The following SGCZ variants were observed in gnomAD, a reference collection of about 807,000 sequenced individuals.
SGCZ encodes sarcoglycan zeta, also known as zeta-sarcoglycan.
A neutral mutation model predicts 41.3 loss-of-function variants in SGCZ; 40 were observed. That is an observed-to-expected ratio of 0.97 (90% confidence interval 0.75 to 1.26). The LOEUF (loss-of-function observed/expected upper bound fraction) is 1.26. SGCZ is among the 50% of genes most tolerant of loss of function. SGCZ has a pLI of 0.00. For synonymous variants in SGCZ, 206 were observed against 137.5 expected (o/e 1.50, Z -3.49); for missense variants, 552 against 369.8 (o/e 1.49, Z -4.04).
chr8:14,688,773 CAGG>C (rs1808702159), intron 1 of SGCZ, among the ~76,000 whole-genome samples: 1 of 151,884 alleles, frequency 6.6e-6, no homozygotes, highest in South Asian at 2.1e-4. Flanking sequence ...GGCAATCAGG[CAGG>C]AGAAGGAAAT....
At chr8:15,070,563 G>C (rs7819346) in intron 1 of SGCZ, among the ~76,000 whole-genome samples, 30 of 152,016 alleles carry the variant, frequency 2.0e-4, no homozygotes, top group African/African-American at 2.4e-4. Context: ...TAACGAGTAA[G>C]AATTGCATAG....
intron 3 of SGCZ, among the ~76,000 whole-genome samples, chr8:14,241,654 C>T (rs912384923): frequency 2.6e-5 from 4 of 151,688 alleles, no homozygotes; most frequent in African/African-American, 4.8e-5. Flanking sequence ...CGAAGCTGAC[C>T]CGAACTTGCC....
intron 1 of SGCZ, among the ~76,000 whole-genome samples, chr8:14,669,546 T>A (rs1479758630): frequency 6.6e-6 from 1 of 152,136 alleles, no homozygotes; most frequent in Non-Finnish European, 1.5e-5. Context: ...ACAACATAGA[T>A]TCCATATATA....
At chr8:14,865,502 T>C (rs148737610) in intron 1 of SGCZ, among the ~76,000 whole-genome samples, 1 of 152,074 alleles carries the variant, frequency 6.6e-6, no homozygotes, top group Non-Finnish European at 1.5e-5. Flanking sequence ...AAAAAGAAAG[T>C]TGGGTGAGGT....
chr8:14,944,798 G>C (rs1045918651), intron 1 of SGCZ, among the ~76,000 whole-genome samples: 1 of 152,108 alleles, frequency 6.6e-6, no homozygotes, highest in Non-Finnish European at 1.5e-5. Flanking sequence ...CCCATTTTAA[G>C]TCAAGGAGTG....
At chr8:15,045,436 A>G (rs1804267745) in intron 1 of SGCZ, among the ~76,000 whole-genome samples, 1 of 152,138 alleles carries the variant, frequency 6.6e-6, no homozygotes, top group Non-Finnish European at 1.5e-5. Context: ...CCATATTTTT[A>G]GACCTGAGTT....
intron 1 of SGCZ, among the ~76,000 whole-genome samples, chr8:14,878,707 C>T (rs961326454): frequency 2.6e-5 from 4 of 152,126 alleles, no homozygotes; most frequent in Admixed American, 2.0e-4. Context: ...AGAATGATTC[C>T]TGTGGTGTCT....
At chr8:15,208,413 G>C (rs1232981544) in intron 1 of SGCZ, among the ~76,000 whole-genome samples, 3 of 152,168 alleles carry the variant, frequency 2.0e-5, no homozygotes, top group Non-Finnish European at 4.4e-5. Context: ...ATTATTAGCA[G>C]TTCCCACCTC....
At chr8:14,450,427 G>A (rs1800558544) in intron 2 of SGCZ, among the ~76,000 whole-genome samples, 1 of 152,196 alleles carries the variant, frequency 6.6e-6, no homozygotes, top group Non-Finnish European at 1.5e-5. Flanking sequence ...AGGGTCAGGA[G>A]GGTAATGAGC....
chr8:14,760,638 T>G (rs1481078335), intron 1 of SGCZ, among the ~76,000 whole-genome samples: 1 of 152,208 alleles, frequency 6.6e-6, no homozygotes, highest in Non-Finnish European at 1.5e-5. Flanking sequence ...AATTTACCTC[T>G]GCAGCTAATT....
At chr8:14,230,911 A>C (rs186887751) in intron 4 of SGCZ, among the ~76,000 whole-genome samples, 1 of 152,014 alleles carries the variant, frequency 6.6e-6, no homozygotes, top group Admixed American at 6.6e-5. Context: ...AAAGGAATAT[A>C]GTTTCCCTTA....
intron 5 of SGCZ, among the ~76,000 whole-genome samples, chr8:14,148,938 C>G (rs1413648466): frequency 3.9e-5 from 6 of 152,088 alleles, no homozygotes; most frequent in African/African-American, 4.8e-5. Context: ...ATAAAAACCA[C>G]ATGATCCTAT....
intron 1 of SGCZ, among the ~76,000 whole-genome samples, chr8:14,657,889 A>G (rs1248863147): frequency 1.3e-5 from 2 of 152,194 alleles, no homozygotes; most frequent in Non-Finnish European, 2.9e-5. Context: ...TTATCCTAAT[A>G]AGAATCAGGC....
At chr8:14,417,215 C>G (rs1056671704) in intron 2 of SGCZ, among the ~76,000 whole-genome samples, 1 of 151,782 alleles carries the variant, frequency 6.6e-6, no homozygotes, top group Non-Finnish European at 1.5e-5. Context: ...CTGACCTAAG[C>G]GATCTTCAAC....
At chr8:14,913,096 A>T (rs1245725039) in intron 1 of SGCZ, among the ~76,000 whole-genome samples, 2 of 152,094 alleles carry the variant, frequency 1.3e-5, no homozygotes, top group Non-Finnish European at 2.9e-5. Flanking sequence ...AAAAAAATTT[A>T]AAAAGGTGTA....
At chr8:14,866,462 G>A (rs958347973) in intron 1 of SGCZ, among the ~76,000 whole-genome samples, 1 of 152,034 alleles carries the variant, frequency 6.6e-6, no homozygotes, top group African/African-American at 2.4e-5. Context: ...ACACATCTAT[G>A]TTTGTTTATA....
At chr8:14,704,206 G>T (rs1809257260) in intron 1 of SGCZ, among the ~76,000 whole-genome samples, 1 of 151,964 alleles carries the variant, frequency 6.6e-6, no homozygotes, top group Admixed American at 6.6e-5. Flanking sequence ...TTTAAAAAGT[G>T]TTAGTAAGCT....
chr8:14,136,417 G>T (rs1563146822), intron 5 of SGCZ, among the ~76,000 whole-genome samples: 1 of 152,082 alleles, frequency 6.6e-6, no homozygotes, highest in Non-Finnish European at 1.5e-5. Flanking sequence ...AGTGACAGAT[G>T]GTACCTTGAA....
chr8:15,037,323 T>C (rs1323313242), intron 1 of SGCZ, among the ~76,000 whole-genome samples: 1 of 152,180 alleles, frequency 6.6e-6, no homozygotes, highest in East Asian at 1.9e-4. Context: ...GCATTTCTCT[T>C]TCCTGTCACC....
Sources: gnomAD v4.1 joint callset for allele counts (sites outside exome capture counted in the v4.1 genomes callset) on GRCh38, gnomAD v4.1.1 for gene constraint, MANE v1.5 for transcripts, NCBI Gene and HGNC (gene_info 2026-07-23, HGNC 2026-07-21) for gene names.